The following RIMBP2 variants were observed in gnomAD, a reference collection of about 807,000 sequenced individuals.
RIMBP2 encodes the protein RIMS-binding protein 2.
Under a neutral mutation model 118.6 loss-of-function variants are expected in RIMBP2, and 48 were observed. The observed-to-expected ratio is 0.40, with a 90% CI of 0.32 to 0.51. The LOEUF (loss-of-function observed/expected upper bound fraction) is 0.51, where lower values mean the gene tolerates loss of function less well. Ranked by LOEUF, RIMBP2 falls within the 20% of genes least tolerant of loss-of-function variation. The probability of loss-of-function intolerance (pLI) is 0.41; values close to 1 mark genes in which losing one functional copy is unlikely to be tolerated. For missense variants in RIMBP2, 1,551 were observed against 1,768.3 expected, an observed-to-expected ratio of 0.88 and a Z score of 2.20; for synonymous variants, 762 against 742.9, an observed-to-expected ratio of 1.03 and a Z score of -0.42.
chr12:130,560,362 T>C (rs10744467), intron 2 of RIMBP2, among the ~76,000 whole-genome samples: 148,633 of 152,128 alleles, frequency 0.98, 72,704 homozygotes, highest in Middle Eastern at 1. Flanking sequence ...AGCCCGGTGG[T>C]CATCTTGGTC....
chr12:130,540,510 C>T (rs996535117), intron 2 of RIMBP2, among the ~76,000 whole-genome samples: 8 of 152,088 alleles, frequency 5.3e-5, no homozygotes, highest in African/African-American at 1.9e-4. Flanking sequence ...TCTCAGGAAA[C>T]CGACCATCAG....
At chr12:130,657,245 C>T (rs2136311602) in intron 1 of RIMBP2, among the ~76,000 whole-genome samples, 1 of 152,272 alleles carries the variant, frequency 6.6e-6, no homozygotes, top group South Asian at 2.1e-4. Flanking sequence ...AGGGCACATC[C>T]TCATGTCCTC....
chr12:130,644,172 C>T (rs971726768), intron 1 of RIMBP2, among the ~76,000 whole-genome samples: 15 of 152,084 alleles, frequency 9.9e-5, no homozygotes, highest in African/African-American at 3.1e-4. Context: ...CCCATTGAGA[C>T]GAAGGAAAGG....
chr12:130,402,049 C>A (rs2074643354), intron 21 of RIMBP2, among the ~76,000 whole-genome samples: 1 of 152,194 alleles, frequency 6.6e-6, no homozygotes, highest in Admixed American at 6.5e-5. Context: ...TGCTCTTGTT[C>A]TTTTGGGCTG....
intron 1 of RIMBP2, among the ~76,000 whole-genome samples, chr12:130,646,047 C>G (rs1391263424): frequency 7.7e-6 from 1 of 130,162 alleles, no homozygotes; most frequent in Non-Finnish European, 1.8e-5. Flanking sequence ...AGTTCCCTCT[C>G]CACCTCCCTC....
rs1003392597 is a variant in RIMBP2 at position 130,620,951 on chromosome 12, C to T, written c.-217+7371G>A. On this transcript the variant is annotated intron_variant, in intron 2 of 22. Coordinates refer to ENST00000690449, the MANE Select transcript of RIMBP2 (RefSeq NM_001393629.1). This position sits in a 1 kb window ranked among gnomAD's most constrained non-coding sequence, Gnocchi z 5.3. ...GCAGACCTGGACTCCGGGCCTGGGG[C>T]ACCTGTGAGCCATCCTTGGCATGGT... is the stretch of plus-strand genomic sequence containing the variant. Among the ~76,000 whole-genome samples, 5 of 152,262 alleles carry T rather than the reference C, an allele frequency of 3.3e-5. No individual in the cohort carries two copies. Among genetic ancestry groups the T allele is most frequent in the East Asian group, 3.9e-4 (2 of 5,162 alleles).
At chr12:130,583,335 C>A (rs1396677645) in intron 2 of RIMBP2, among the ~76,000 whole-genome samples, 1 of 152,104 alleles carries the variant, frequency 6.6e-6, no homozygotes, top group Non-Finnish European at 1.5e-5. Context: ...AGGCCCCTGG[C>A]ACCTAATAAA....
chr12:130,428,445 C>T (rs1343937322), intron 14 of RIMBP2, 108 bp from the exon 15 acceptor site: 7 of 1,214,390 alleles, frequency 5.8e-6, no homozygotes, highest in Non-Finnish European at 8.1e-6. Context: ...TCACGGGGCT[C>T]ACAGGCCTAG....
chr12:130,634,172 C>G (rs901843148), intron 1 of RIMBP2, among the ~76,000 whole-genome samples: 1 of 152,198 alleles, frequency 6.6e-6, no homozygotes. Context: ...CCCCCCGAAT[C>G]TCCCCACCCC....
chr12:130,611,228 C>T (rs2140594114), intron 2 of RIMBP2, among the ~76,000 whole-genome samples: 1 of 152,328 alleles, frequency 6.6e-6, no homozygotes. Context: ...TGGAACTGCA[C>T]ATTCCCCTCC....
At position 130,446,026 on chromosome 12, in the gene RIMBP2, C is replaced by G. The variant is rs1398246222; in HGVS notation, c.582-757G>C. On this transcript the variant is annotated intron_variant, in intron 9 of 22. Transcript: ENST00000690449. This position sits in a 1 kb window ranked among gnomAD's most constrained non-coding sequence, Gnocchi z 4.1. ...AGACGCATGATTTTATGCTCCCCCC[C>G]CCCACACCCCCAGGAATATAAGAGT... Among the ~76,000 whole-genome samples the G allele has an allele frequency of 6.7e-6, 1 of 150,354 alleles. No individual in the cohort carries two copies. Among genetic ancestry groups the G allele is most frequent in the Admixed American group, 6.7e-5 (1 of 14,984 alleles).
At chr12:130,707,625 A>T (rs1949589722) in intron 1 of RIMBP2, among the ~76,000 whole-genome samples, 1 of 152,052 alleles carries the variant, frequency 6.6e-6, no homozygotes, top group Non-Finnish European at 1.5e-5. Context: ...AGCTTCCAAG[A>T]GTGGGCGTGG....
At chr12:130,697,698 T>A (rs962913498) in intron 1 of RIMBP2, among the ~76,000 whole-genome samples, 1 of 152,194 alleles carries the variant, frequency 6.6e-6, no homozygotes, top group East Asian at 1.9e-4. Context: ...GGTGCCCACC[T>A]GTGGTCCCAG....
chr12:130,677,235 TTA>T (rs1270258012), intron 1 of RIMBP2, among the ~76,000 whole-genome samples: 1 of 152,064 alleles, frequency 6.6e-6, no homozygotes, highest in Non-Finnish European at 1.5e-5. Flanking sequence ...CATATGATGA[TTA>T]TGTCAACCAC....
rs561202155 is a variant in RIMBP2 at position 130,441,758 on chromosome 12, C to T, written c.1504+90G>A. ...CATGTTGTCAGGATGGGGATTCCTG[C>T]TTCTGCCTGCCCCACCTTCCCTCCC... On this transcript the variant is annotated intron_variant, in intron 11 of 22. Transcript: ENST00000690449. 2.3e-3 allele frequency: 2,671 copies of T among 1,168,594 alleles called. 6 individuals are homozygous for T. Among genetic ancestry groups the T allele is most frequent in the Non-Finnish European group, 2.9e-3 (2,426 of 826,820 alleles). 72.4% of individuals were successfully genotyped at this position (1,168,594 alleles called of 1,614,324 possible). A position where few individuals can be genotyped will look rare whatever the true frequency, so the allele number is the denominator to read the frequency against.
intron 6 of RIMBP2, among the ~76,000 whole-genome samples, chr12:130,464,082 C>T (rs2080243977): frequency 6.6e-6 from 1 of 152,162 alleles, no homozygotes. Context: ...GCCCACCCTC[C>T]CCCGACAAAA....
chr12:130,432,221 A>G (rs1175463798), intron 14 of RIMBP2: 1 of 456,630 alleles, frequency 2.2e-6, no homozygotes, highest in Non-Finnish European at 4.4e-6. Context: ...GCGTGGAAAC[A>G]GGTCTTCTTC....
intron 6 of RIMBP2, among the ~76,000 whole-genome samples, chr12:130,459,054 A>G (rs553427785): frequency 1.3e-4 from 2 of 15,634 alleles, no homozygotes; most frequent in Non-Finnish European, 2.1e-3. Context: ...CAAAAAAAAA[A>G]AAAAACAAAA....
intron 1 of RIMBP2, among the ~76,000 whole-genome samples, chr12:130,645,420 C>T (rs1406348026): frequency 6.6e-6 from 1 of 152,216 alleles, no homozygotes; most frequent in African/African-American, 2.4e-5. Flanking sequence ...ATTGGAGTTA[C>T]TCCCTCCAGG....
Sources: gnomAD v4.1 joint callset for allele counts (sites outside exome capture counted in the v4.1 genomes callset) on GRCh38, gnomAD v4.1.1 for gene constraint, Gnocchi (gnomAD v3.1) non-coding constraint, MANE v1.5 for transcripts, NCBI Gene and HGNC (gene_info 2026-07-23, HGNC 2026-07-21) for gene names.